Variants in PHF21A observed in about 807,000 individuals in gnomAD.
PHF21A encodes the protein PHD finger protein 21A.
PHF21A carries 11 observed loss-of-function variants against 82.5 expected under a neutral mutation model. The observed-to-expected ratio is 0.13, with a 90% CI of 0.08 to 0.22. The LOEUF (loss-of-function observed/expected upper bound fraction) is 0.22, where lower values mean the gene tolerates loss of function less well. Among genes scored for constraint, PHF21A ranks in the 10% least tolerant of loss-of-function variants. The pLI, the probability that PHF21A is intolerant of heterozygous loss-of-function variation, is 1.00. For missense variants in PHF21A, 579 were observed against 837.8 expected (o/e 0.69, Z 3.81); for synonymous variants, 297 against 302.8 (o/e 0.98, Z 0.20).
intron 6 of PHF21A, among the ~76,000 whole-genome samples, chr11:46,020,994 T>C (rs563245626): frequency 1.7e-4 from 26 of 152,200 alleles, no homozygotes; most frequent in Admixed American, 8.5e-4. Flanking sequence ...GATGGGTTTA[T>C]TGGACCATAA....
intron 14 of PHF21A, among the ~76,000 whole-genome samples, chr11:45,947,505 C>G (rs944232579): frequency 1.3e-5 from 2 of 152,082 alleles, no homozygotes; most frequent in African/African-American, 2.4e-5. Context: ...ACAGATCGTA[C>G]TGGTTTATCT....
intron 6 of PHF21A, among the ~76,000 whole-genome samples, chr11:46,058,069 A>AGGCTTTGTT (rs1291441231): frequency 2.6e-5 from 4 of 152,192 alleles, no homozygotes; most frequent in Non-Finnish European, 2.9e-5. Context: ...ACTTTTAACA[A>AGGCTTTGTT]AGCCTTGTTA....
intron 3 of PHF21A, among the ~76,000 whole-genome samples, chr11:46,088,664 G>A (rs1374003284): frequency 6.6e-6 from 1 of 152,178 alleles, no homozygotes; most frequent in Non-Finnish European, 1.5e-5. Flanking sequence ...GACTGTTGTG[G>A]TTTAAATAAG....
intron 6 of PHF21A, among the ~76,000 whole-genome samples, chr11:46,022,760 G>C (rs1049376292): frequency 6.6e-6 from 1 of 152,146 alleles, no homozygotes; most frequent in Non-Finnish European, 1.5e-5. Context: ...ATGATCCACT[G>C]TGCCCGGCTC....
In PHF21A at chr11:45,965,497, G is replaced by C; in HGVS notation, c.814C>G (p.Pro272Ala). The C allele has an allele frequency of 6.2e-7, 1 of 1,613,584 alleles. No homozygotes were observed. The highest frequency in any genetic ancestry group is 8.5e-7 in the Non-Finnish European group (1 of 1,179,728). The change falls in exon 10 of 19, where the codon CCC becomes GCC. Residue 272 changes from proline (P) to alanine (A), a missense_variant. Coordinates refer to ENST00000676320, the MANE Select transcript of PHF21A (RefSeq NM_001352027.3). ...TTCTGGGATGTGGGAAGGGTTGTGG[G>C]GGTGAACTTGGTCAGCATGACGGGC... ...QRPVMLTKFT[P>A]TTLPTSQNSI...
At chr11:46,098,519 T>C (rs958781470) in intron 1 of PHF21A, among the ~76,000 whole-genome samples, 2 of 152,132 alleles carry the variant, frequency 1.3e-5, no homozygotes, top group African/African-American at 4.8e-5. Context: ...AAAGAAGAAA[T>C]CTTGCTTCCT....
At chr11:45,964,332 T>C (rs1480297541) in intron 10 of PHF21A, among the ~76,000 whole-genome samples, 1 of 152,074 alleles carries the variant, frequency 6.6e-6, no homozygotes. Context: ...CAGATTTTGA[T>C]AACTAGCTTC....
chr11:45,990,789 CCACATACT>C (rs2094672127), intron 6 of PHF21A, among the ~76,000 whole-genome samples: 1 of 151,818 alleles, frequency 6.6e-6, no homozygotes, highest in African/African-American at 2.4e-5. Flanking sequence ...AGTAGAGTTC[CCACATACT>C]CCTGGCCTCC....
chr11:46,044,020 T>C (rs2138884898), intron 6 of PHF21A, among the ~76,000 whole-genome samples: 1 of 152,336 alleles, frequency 6.6e-6, no homozygotes, highest in East Asian at 1.9e-4. Context: ...GGTTAACAGC[T>C]GTAAATTTGT....
chr11:46,080,444 C>T (rs982244320), intron 4 of PHF21A, among the ~76,000 whole-genome samples: 28 of 151,876 alleles, frequency 1.8e-4, no homozygotes, highest in African/African-American at 6.5e-4. Context: ...AGGTGTGAGC[C>T]ACCCGCCCTA....
intron 14 of PHF21A, among the ~76,000 whole-genome samples, chr11:45,946,528 CG>C (rs1274927488): frequency 6.6e-6 from 1 of 152,038 alleles, no homozygotes; most frequent in African/African-American, 2.4e-5. Context: ...GGACAACAGG[CG>C]TGTGCCCAGC....
In PHF21A at chr11:45,932,063, G is replaced by C. The variant is rs573949750; in HGVS notation, c.*1905C>G. 6.6e-6 allele frequency: 1 copy of C among 152,356 alleles called. No homozygotes were observed. The highest frequency in any genetic ancestry group is 1.9e-4 in the East Asian group (1 of 5,160). 9.4% of individuals were successfully genotyped at this position (152,356 alleles called of 1,614,324 possible). On this transcript the variant is annotated 3_prime_UTR_variant, in exon 19 of 19. Transcript: ENST00000676320. This position sits in a 1 kb window ranked among gnomAD's most constrained non-coding sequence, Gnocchi z 4.3. ...CTCCCCAAAGGCAAGACAGAGCGAAGGCCACGCTGGGGCTCTGTCTCAGAG... is the reference window on the plus strand; with the variant it reads ...CTCCCCAAAGGCAAGACAGAGCGAACGCCACGCTGGGGCTCTGTCTCAGAG...
intron 6 of PHF21A, among the ~76,000 whole-genome samples, chr11:45,981,312 G>T (rs1329397523): frequency 1.4e-5 from 2 of 147,382 alleles, no homozygotes; most frequent in African/African-American, 5.0e-5. Context: ...CTTGAACCTA[G>T]GAGATGGAGG....
At chr11:45,998,147 C>A (rs769455285) in intron 6 of PHF21A, among the ~76,000 whole-genome samples, 8 of 152,176 alleles carry the variant, frequency 5.3e-5, no homozygotes, top group Non-Finnish European at 1.0e-4. Flanking sequence ...CCATTCTAGT[C>A]GTCTTTGTTT....
At chr11:46,065,983 T>A (rs1320789543) in intron 6 of PHF21A, among the ~76,000 whole-genome samples, 2 of 152,214 alleles carry the variant, frequency 1.3e-5, no homozygotes, top group African/African-American at 4.8e-5. Context: ...GATGACAAAC[T>A]TTTTTTCTTT....
At chr11:45,951,385 A>AT (rs2092091986) in intron 11 of PHF21A, among the ~76,000 whole-genome samples, 1 of 152,246 alleles carries the variant, frequency 6.6e-6, no homozygotes, top group African/African-American at 2.4e-5. Flanking sequence ...CCACTTGAGA[A>AT]CATAGAAATG....
intron 7 of PHF21A, among the ~76,000 whole-genome samples, chr11:45,978,346 G>T (rs898995135): frequency 6.6e-6 from 1 of 151,590 alleles, no homozygotes; most frequent in East Asian, 1.9e-4. Context: ...AACAGAGATG[G>T]TAATAATAAT....
intron 10 of PHF21A, among the ~76,000 whole-genome samples, chr11:45,955,488 T>A (rs1323472873): frequency 6.6e-6 from 1 of 152,178 alleles, no homozygotes; most frequent in African/African-American, 2.4e-5. Flanking sequence ...GGGTGTGCTG[T>A]TCCATTCCAA....
intron 6 of PHF21A, among the ~76,000 whole-genome samples, chr11:46,029,187 TG>T (rs2095815176): frequency 6.6e-6 from 1 of 152,252 alleles, no homozygotes; most frequent in Admixed American, 6.5e-5. Context: ...TCAATTTTTT[TG>T]CATTTAATGT....
Sources: gnomAD v4.1 joint callset for allele counts (sites outside exome capture counted in the v4.1 genomes callset) on GRCh38, gnomAD v4.1.1 for gene constraint, Gnocchi (gnomAD v3.1) non-coding constraint, MANE v1.5 for transcripts, NCBI Gene and HGNC (gene_info 2026-07-23, HGNC 2026-07-21) for gene names.